Variants in LRP6 observed in about 807,000 individuals in gnomAD.
LRP6 encodes LDL receptor related protein 6, also known as low-density lipoprotein receptor-related protein 6.
In LRP6, 43 loss-of-function variants were observed where a neutral mutation model predicts 184.1. The ratio of observed to expected loss-of-function variants is 0.23; its 90% confidence interval spans 0.18 to 0.30. The LOEUF (loss-of-function observed/expected upper bound fraction) is 0.30, where lower values mean the gene tolerates loss of function less well. LRP6 is among the 10% of genes least tolerant of loss of function. The pLI is 1.00. For missense variants in LRP6, 1,571 were observed against 2,005.3 expected, an observed-to-expected ratio of 0.78 and a Z score of 4.14; for synonymous variants, 719 against 684.9, an observed-to-expected ratio of 1.05 and a Z score of -0.78.
intron 7 of LRP6, among the ~76,000 whole-genome samples, chr12:12,166,091 G>A (rs1862871277): frequency 6.6e-6 from 1 of 152,122 alleles, no homozygotes; most frequent in South Asian, 2.1e-4. Context: ...TTACATATAA[G>A]ATTATATCTG....
chr12:12,249,161 A>G, intron 1 of LRP6: 1 of 717,218 alleles, frequency 1.4e-6, no homozygotes, highest in East Asian at 2.5e-5. Context: ...CTGCAAGAAC[A>G]ATTTATGAAA....
intron 15 of LRP6, among the ~76,000 whole-genome samples, chr12:12,139,525 A>C (rs1461847280): frequency 1.3e-5 from 2 of 152,304 alleles, no homozygotes; most frequent in East Asian, 3.9e-4. Flanking sequence ...GGAGTTCGAC[A>C]TCAGCCTGGG....
At chr12:12,199,111 T>C (rs914270005) in intron 3 of LRP6, among the ~76,000 whole-genome samples, 3 of 151,596 alleles carry the variant, frequency 2.0e-5, no homozygotes, top group African/African-American at 7.3e-5. Flanking sequence ...TTGCAAAGAA[T>C]GGGCTATTTA....
intron 10 of LRP6, among the ~76,000 whole-genome samples, 198 bp downstream of exon 10, chr12:12,161,995 G>A (rs372057146): frequency 2.1e-4 from 32 of 151,786 alleles, no homozygotes; most frequent in African/African-American, 7.3e-4. Flanking sequence ...AGTTAATTAC[G>A]ACAAGAGTAA....
chr12:12,147,442 T>C lies in LRP6; in HGVS notation c.3321A>G (p.Leu1107=). 1 of 1,614,138 alleles carries C rather than the reference T, an allele frequency of 6.2e-7. No individual in the cohort carries two copies. The highest frequency in any genetic ancestry group is 8.5e-7 in the Non-Finnish European group (1 of 1,180,024). Residue 1107 remains leucine (L), a synonymous_variant, in exon 15 of 23, where the codon TTA becomes TTG. Coordinates refer to ENST00000261349, the MANE Select transcript of LRP6 (RefSeq NM_002336.3). ...FFSGLSKPIA[L]ALDSRLGKLF... ...GCTTGCCCAGCCTGCTATCAAGGGC[T>C]AAAGCAATTGGTTTACTTAAGCCAC...
chr12:12,142,452 C>T (rs1417111535), intron 15 of LRP6, among the ~76,000 whole-genome samples: 4 of 152,032 alleles, frequency 2.6e-5, no homozygotes, highest in Admixed American at 1.3e-4. Flanking sequence ...TAAGCATGCA[C>T]TGGATGCAAT....
chr12:12,142,451 A>G (rs1949947062), intron 15 of LRP6, among the ~76,000 whole-genome samples: 1 of 152,216 alleles, frequency 6.6e-6, no homozygotes, highest in Admixed American at 6.5e-5. Context: ...CTAAGCATGC[A>G]CTGGATGCAA....
In LRP6 at chr12:12,121,217, T is replaced by C. The variant is rs1949600423; in HGVS notation, c.4751A>G (p.Tyr1584Cys). 3 of 1,614,102 alleles carry C rather than the reference T, an allele frequency of 1.9e-6. No individual in the cohort carries two copies. Among genetic ancestry groups the C allele is most frequent in the South Asian group, 1.1e-5 (1 of 91,074 alleles). ...RSQYLSAEEN[Y>C]ESCPPSPYTE... ...GTATGGAGAAGGTGGGCAGCTTTCA[T>C]AGTTCTCCTCTGCTGACAAGTATTG... The change falls in exon 23 of 23, where the codon TAT becomes TGT. Residue 1584 changes from tyrosine (Y) to cysteine (C), a missense_variant. Tyr to Cys is a radical substitution (Grantham distance 194). Coordinates refer to ENST00000261349, the MANE Select transcript of LRP6 (RefSeq NM_002336.3).
Position 12,162,296 on chromosome 12 carries a change from T to C in LRP6, c.2176A>G (p.Thr726Ala). The C allele has an allele frequency of 6.2e-7, 1 of 1,614,208 alleles. No homozygotes were observed. The highest frequency in any genetic ancestry group is 8.5e-7 in the Non-Finnish European group (1 of 1,180,028). ...AACTTTGACACCTCAATTCGATTCG[T>C]TCCTGTGTCTGCCCAGTACAAGTTC... The part of the protein sequence containing the change: ...GKNLYWADTG[T>A]NRIEVSKLDG... Residue 726 changes from threonine to alanine, a missense_variant, in exon 10 of 23, where the codon ACG becomes GCG. Physicochemically the swap from Thr to Ala is moderately conservative, Grantham distance 58. Coordinates refer to ENST00000261349, the MANE Select transcript of LRP6 (RefSeq NM_002336.3).
intron 3 of LRP6, among the ~76,000 whole-genome samples, chr12:12,191,049 G>C (rs1345565008): frequency 6.6e-6 from 1 of 152,186 alleles, no homozygotes; most frequent in Non-Finnish European, 1.5e-5. Context: ...AGAAACAATA[G>C]GACATCTGGC....
At chr12:12,257,779 CA>C (rs1163180718) in intron 1 of LRP6, among the ~76,000 whole-genome samples, 957 of 35,222 alleles carry the variant, frequency 0.027, no homozygotes, top group African/African-American at 0.093. Flanking sequence ...CCTGTCTCTA[CA>C]AAAAAAAAAA....
At chr12:12,174,697 T>C (rs1229476151) in intron 7 of LRP6, among the ~76,000 whole-genome samples, 1 of 152,214 alleles carries the variant, frequency 6.6e-6, no homozygotes, top group East Asian at 1.9e-4. Flanking sequence ...TATTAGGGTA[T>C]TGATGAAATA....
intron 16 of LRP6, 100 bp downstream of exon 16, chr12:12,138,225 A>C: frequency 8.5e-7 from 1 of 1,171,466 alleles, no homozygotes; most frequent in Non-Finnish European, 1.3e-6. Flanking sequence ...AAAGTGCATG[A>C]AAGTCTTCAA....
At chr12:12,163,100 C>T (rs1435695995) in intron 9 of LRP6, among the ~76,000 whole-genome samples, 4 of 151,958 alleles carry the variant, frequency 2.6e-5, no homozygotes, top group Non-Finnish European at 5.9e-5. Context: ...CTCAGTTTCC[C>T]GAGTAGCTGG....
rs1865790135 is a variant in LRP6 at position 12,266,982 on chromosome 12, C to T, written c.-247G>A. ...TCCATCCCGCCGCCTCCTCCCCCGGCGCCCCGCTTCCCCCGCGCAGCTCCT... is the reference window on the plus strand; with the variant it reads ...TCCATCCCGCCGCCTCCTCCCCCGGTGCCCCGCTTCCCCCGCGCAGCTCCT... On this transcript the variant is annotated 5_prime_UTR_variant, in exon 1 of 23. Transcript: ENST00000261349. The T allele has an allele frequency of 3.7e-6, 2 of 533,490 alleles. No homozygotes were observed. The highest frequency in any genetic ancestry group is 3.9e-5 in the Admixed American group (1 of 25,632). The allele number at this position is 533,490 out of a possible 1,614,324, so 33.0% of individuals were successfully genotyped here.
chr12:12,235,638 G>A (rs1219187170), intron 2 of LRP6, among the ~76,000 whole-genome samples: 1 of 151,854 alleles, frequency 6.6e-6, no homozygotes, highest in East Asian at 1.9e-4. Flanking sequence ...GCTGAAGCAG[G>A]AGAATCACTT....
intron 7 of LRP6, among the ~76,000 whole-genome samples, chr12:12,171,194 A>G (rs750124720): frequency 2.0e-5 from 3 of 152,184 alleles, no homozygotes; most frequent in African/African-American, 4.8e-5. Flanking sequence ...CACAAATAAT[A>G]ATGATGATGA....
At position 12,118,741 on chromosome 12, in the gene LRP6, G is replaced by C. The variant is rs761534286; in HGVS notation, c.*2385C>G. The C allele has an allele frequency of 2.0e-5, 3 of 152,168 alleles. No individual in the cohort carries two copies. Among genetic ancestry groups the C allele is most frequent in the Non-Finnish European group, 2.9e-5 (2 of 68,028 alleles). The allele number at this position is 152,168 out of a possible 1,614,324, so 9.4% of individuals were successfully genotyped here. Reference sequence around the variant, plus strand: ...GAATCCATCTCATCTACCCCAGAAAGAGAACACTGAGATTAGGCTGAACTG... The same window carrying C: ...GAATCCATCTCATCTACCCCAGAAACAGAACACTGAGATTAGGCTGAACTG... On this transcript the variant is annotated 3_prime_UTR_variant, in exon 23 of 23. Transcript: ENST00000261349.
chr12:12,145,120 A>G (rs972080756), intron 15 of LRP6, among the ~76,000 whole-genome samples: 20 of 152,160 alleles, frequency 1.3e-4, no homozygotes, highest in Non-Finnish European at 2.5e-4. Flanking sequence ...ACAGAAGGTG[A>G]ATTTTGGAAA....
Sources: gnomAD v4.1 joint callset for allele counts (sites outside exome capture counted in the v4.1 genomes callset) on GRCh38, gnomAD v4.1.1 for gene constraint, MANE v1.5 for transcripts, NCBI Gene and HGNC (gene_info 2026-07-23, HGNC 2026-07-21) for gene names.